THBS4: variants seen among roughly 807,000 people sequenced by gnomAD.
THBS4 encodes the protein thrombospondin 4.
Under a neutral mutation model 115.7 loss-of-function variants are expected in THBS4, and 90 were observed. The observed-to-expected ratio is 0.78, with a 90% CI of 0.66 to 0.93. The LOEUF (loss-of-function observed/expected upper bound fraction) is 0.93. THBS4 is among the 40% of genes least tolerant of loss of function. THBS4 has a pLI of 0.00. For missense variants in THBS4, 1,087 were observed against 1,232.7 expected, an observed-to-expected ratio of 0.88 and a Z score of 1.77; for synonymous variants, 460 against 479.3, an observed-to-expected ratio of 0.96 and a Z score of 0.53.
intron 19 of THBS4, among the ~76,000 whole-genome samples, chr5:80,079,679 A>G (rs1428825926): frequency 6.6e-6 from 1 of 152,242 alleles, no homozygotes. Flanking sequence ...ATGGATGTGC[A>G]GCAGGAACAA....
In THBS4 at chr5:80,083,211, T is replaced by A; in HGVS notation, c.*70T>A. ...TATATATTTTAACTTCAATTTTCTT[T>A]AGCTTTTACCAACCCAAATATATCA... On this transcript the variant is annotated 3_prime_UTR_variant, in exon 22 of 22. Transcript: ENST00000350881. 7.2e-7 allele frequency: 1 copy of A among 1,391,530 alleles called. No homozygotes were observed. The highest frequency in any genetic ancestry group is 1.2e-5 in the South Asian group (1 of 86,060). The allele number at this position is 1,391,530 out of a possible 1,614,324, so 86.2% of individuals were successfully genotyped here.
At chr5:80,055,634 T>G (rs1183219039) in intron 2 of THBS4, 151 bp from the exon 3 acceptor site, 11 of 1,085,124 alleles carry the variant, frequency 1.0e-5, no homozygotes, top group Non-Finnish European at 1.3e-5. Context: ...AATCAATATT[T>G]GTGGTTATTT....
chr5:80,060,023 T>C (rs528994400), intron 7 of THBS4, 118 bp downstream of exon 7: 7 of 919,712 alleles, frequency 7.6e-6, no homozygotes, highest in African/African-American at 6.5e-5. Flanking sequence ...CCAGGCTCCA[T>C]TGAAACCACT....
chr5:80,058,376 G>A, intron 4 of THBS4, 62 bp downstream of exon 4: 1 of 1,259,766 alleles, frequency 7.9e-7, no homozygotes, highest in Non-Finnish European at 1.1e-6. Flanking sequence ...CCCTGAATAG[G>A]CTGGGTCCCA....
In THBS4 at chr5:80,035,622, C is replaced by A; in HGVS notation, c.85C>A (p.Gln29Lys). The change falls in exon 1 of 22, where the codon CAG becomes AAG. Residue 29 changes from glutamine to lysine, a missense_variant. Physicochemically the swap from Gln to Lys is moderately conservative, Grantham distance 53 (BLOSUM62 1). This residue lies in a region of THBS4 where 979 missense variants were observed against 1,103.7 expected (regional missense o/e 0.89). Coordinates refer to ENST00000350881, the MANE Select transcript of THBS4 (RefSeq NM_003248.6). This position sits in a 1 kb window ranked among gnomAD's most constrained non-coding sequence, Gnocchi z 4.6. Reference protein sequence around the residue: ...WLAAGAQATPQVFDLLPSSSQ... With the variant: ...WLAAGAQATPKVFDLLPSSSQ... ...AGCGGCAGGCGCCCAGGCCACCCCC[C>A]AGGGTAAGTGGGTTCGGGTCGGGCC... 3.6e-6 allele frequency: 5 copies of A among 1,377,762 alleles called. No homozygotes were observed. Among genetic ancestry groups the A allele is most frequent in the South Asian group, 1.7e-5 (1 of 59,774 alleles). 85.3% of individuals were successfully genotyped at this position (1,377,762 alleles called of 1,614,324 possible). A position where few individuals can be genotyped will look rare whatever the true frequency, so the allele number is the denominator to read the frequency against.
chr5:80,079,760 A>C (rs1412824589), intron 19 of THBS4, 145 bp from the exon 20 acceptor site: 1 of 791,282 alleles, frequency 1.3e-6, no homozygotes, highest in Non-Finnish European at 2.0e-6. Context: ...CATAGAAATG[A>C]CATTTAAGTG....
intron 15 of THBS4, chr5:80,074,521 C>T (rs394947): frequency 0.57 from 86,428 of 152,020 alleles, 25,080 homozygotes; most frequent in African/African-American, 0.68. Flanking sequence ...AAAAAAGATG[C>T]AATTTCTCTC....
chr5:80,029,515 A>C (rs531411065), intron 2 of THBS4, among the ~76,000 whole-genome samples: 27 of 152,330 alleles, frequency 1.8e-4, no homozygotes, highest in African/African-American at 6.5e-4. Context: ...TTTACACTTT[A>C]TTTAGTAAAA....
At chr5:80,079,456 G>A (rs531407161) in intron 19 of THBS4, among the ~76,000 whole-genome samples, 198 bp downstream of exon 19, 2 of 152,292 alleles carry the variant, frequency 1.3e-5, no homozygotes, top group African/African-American at 4.8e-5. Flanking sequence ...TCTCATGGTG[G>A]GAATCCCAGC....
intron 21 of THBS4, 99 bp downstream of exon 21, chr5:80,082,644 C>T (rs574622756): frequency 6.9e-7 from 1 of 1,440,796 alleles, no homozygotes; most frequent in Non-Finnish European, 9.6e-7. Flanking sequence ...AAGCCCAACG[C>T]TCATACCACA....
At chr5:80,069,192 A>C (rs980753200) in intron 10 of THBS4, among the ~76,000 whole-genome samples, 1 of 152,176 alleles carries the variant, frequency 6.6e-6, no homozygotes, top group African/African-American at 2.4e-5. Context: ...TTCCATCTTT[A>C]TCTCAAAGTT....
intron 19 of THBS4, 129 bp from the exon 20 acceptor site, chr5:80,079,776 G>T: frequency 1.1e-6 from 1 of 948,708 alleles, no homozygotes. Context: ...AAGTGTTTAT[G>T]CTTTGTTCTG....
chr5:80,046,182 G>A (rs368666900), intron 2 of THBS4, among the ~76,000 whole-genome samples: 2 of 152,288 alleles, frequency 1.3e-5, no homozygotes, highest in African/African-American at 4.8e-5. Flanking sequence ...TGGCTCTTTT[G>A]TTTCTGTCTT....
At chr5:80,005,888 T>C (rs748684675) in intron 2 of THBS4, among the ~76,000 whole-genome samples, 1 of 148,248 alleles carries the variant, frequency 6.7e-6, no homozygotes, top group Non-Finnish European at 1.5e-5. Context: ...TGCCTCAGCC[T>C]CCCAAGCAGC....
upstream of THBS4, among the ~76,000 whole-genome samples, chr5:80,030,762 A>G (rs931548832): frequency 6.6e-6 from 1 of 152,076 alleles, no homozygotes; most frequent in Non-Finnish European, 1.5e-5. Context: ...CCACCTTGGC[A>G]TCCTAAGTGC....
At chr5:80,080,577 A>AT (rs1743442985) in intron 20 of THBS4, among the ~76,000 whole-genome samples, 1 of 66,826 alleles carries the variant, frequency 1.5e-5, no homozygotes. Flanking sequence ...CAGCGCTTGT[A>AT]TCTTTTTTTT....
chr5:80,016,762 C>T (rs541371432), intron 2 of THBS4, among the ~76,000 whole-genome samples: 1 of 152,126 alleles, frequency 6.6e-6, no homozygotes, highest in South Asian at 2.1e-4. Flanking sequence ...TTTGCACTGC[C>T]CGCAGCTACC....
chr5:80,007,840 A>T (rs1226641902), intron 2 of THBS4, among the ~76,000 whole-genome samples: 1 of 152,178 alleles, frequency 6.6e-6, no homozygotes, highest in African/African-American at 2.4e-5. Flanking sequence ...ACTGATGTGG[A>T]TGGCATGTTG....
intron 1 of THBS4, chr5:80,036,197 A>G: frequency 1.0e-6 from 1 of 985,454 alleles, no homozygotes; most frequent in Non-Finnish European, 1.2e-6. Flanking sequence ...AAGGGCTGAG[A>G]AACTGGTCTT....
Sources: allele counts gnomAD v4.1 joint callset (sites outside exome capture counted in the v4.1 genomes callset), GRCh38; gene constraint gnomAD v4.1.1; regional missense constraint gnomAD v4.1.1; non-coding constraint Gnocchi (gnomAD v3.1); transcripts MANE v1.5; gene names NCBI Gene and HGNC (gene_info 2026-07-23, HGNC 2026-07-21).